The following TYW1 variants were observed in gnomAD, a reference collection of about 807,000 sequenced individuals.
TYW1 encodes the protein S-adenosyl-L-methionine-dependent tRNA 4-demethylwyosine synthase TYW1.
A neutral mutation model predicts 96.2 loss-of-function variants in TYW1; 46 were observed. That is an observed-to-expected ratio of 0.48 (90% CI 0.38 to 0.61). The LOEUF (loss-of-function observed/expected upper bound fraction) is 0.61, where lower values mean the gene tolerates loss of function less well. TYW1 is among the 20% of genes least tolerant of loss of function. The probability of loss-of-function intolerance (pLI) is 0.00; values close to 1 mark genes in which losing one functional copy is unlikely to be tolerated. For missense variants in TYW1, 684 were observed against 909.6 expected (o/e 0.75, Z 3.19); for synonymous variants, 274 against 323.0 (o/e 0.85, Z 1.63).
At chr7:67,008,293 C>T (rs2129238968) in intron 3 of TYW1, among the ~76,000 whole-genome samples, 1 of 152,288 alleles carries the variant, frequency 6.6e-6, no homozygotes, top group South Asian at 2.1e-4. Flanking sequence ...AGGGGTTTTT[C>T]TTGGAGGCTC....
chr7:67,148,074 G>T (rs1247379610), intron 13 of TYW1, among the ~76,000 whole-genome samples: 1 of 151,940 alleles, frequency 6.6e-6, no homozygotes, highest in Non-Finnish European at 1.5e-5. Flanking sequence ...GAGAACAGAT[G>T]GTCATCTTGG....
chr7:67,157,059 G>A (rs1423857525), intron 13 of TYW1, among the ~76,000 whole-genome samples: 1 of 151,994 alleles, frequency 6.6e-6, no homozygotes, highest in Non-Finnish European at 1.5e-5. Flanking sequence ...TCGAGGTGTG[G>A]TTATCTACTT....
intron 11 of TYW1, among the ~76,000 whole-genome samples, chr7:67,096,580 G>A (rs565711269): frequency 6.7e-6 from 1 of 149,610 alleles, no homozygotes; most frequent in Admixed American, 6.7e-5. Flanking sequence ...TTTTTTCTTT[G>A]TTTTTTTTTT....
At chr7:67,165,694 G>A (rs191249216) in intron 13 of TYW1, among the ~76,000 whole-genome samples, 21 of 152,208 alleles carry the variant, frequency 1.4e-4, no homozygotes, top group African/African-American at 5.1e-4. Context: ...CTGGGAGGCC[G>A]AGGCAGGCAG....
intron 13 of TYW1, among the ~76,000 whole-genome samples, chr7:67,142,850 G>A (rs113024470): frequency 6.6e-6 from 1 of 152,076 alleles, no homozygotes; most frequent in African/African-American, 2.4e-5. Flanking sequence ...TCAGGAATTC[G>A]AGAGCAGCCT....
At chr7:67,071,705 C>G (rs558826381) in intron 10 of TYW1, among the ~76,000 whole-genome samples, 22 of 152,214 alleles carry the variant, frequency 1.4e-4, no homozygotes, top group African/African-American at 5.1e-4. Flanking sequence ...ACTGCAAGCT[C>G]CACCTCCCAG....
At chr7:67,026,531 A>G (rs1376793643) in intron 7 of TYW1, among the ~76,000 whole-genome samples, 2 of 152,176 alleles carry the variant, frequency 1.3e-5, no homozygotes, top group Non-Finnish European at 1.5e-5. Flanking sequence ...CTCTTAATAT[A>G]TAAGTTTGAT....
intron 12 of TYW1, among the ~76,000 whole-genome samples, chr7:67,105,654 G>T (rs1287026204): frequency 1.3e-5 from 2 of 152,180 alleles, no homozygotes; most frequent in Non-Finnish European, 2.9e-5. Context: ...CTGAGGCTGA[G>T]TGTCATCTGC....
intron 7 of TYW1, among the ~76,000 whole-genome samples, chr7:67,029,030 G>A (rs1430331001): frequency 2.0e-5 from 3 of 149,942 alleles, no homozygotes; most frequent in Admixed American, 1.3e-4. Context: ...ACGGAGTCTC[G>A]CTCTGTTGCC....
At chr7:67,024,054 T>C (rs547241894) in intron 6 of TYW1, among the ~76,000 whole-genome samples, 2 of 152,082 alleles carry the variant, frequency 1.3e-5, no homozygotes, top group Non-Finnish European at 2.9e-5. Flanking sequence ...TTCTGCTTGG[T>C]ATGTGTCTCG....
chr7:67,204,323 T>G (rs1800697784), intron 15 of TYW1, among the ~76,000 whole-genome samples: 1 of 152,198 alleles, frequency 6.6e-6, no homozygotes. Context: ...TTTTAGACTC[T>G]TGTTCTAACT....
chr7:67,093,022 C>T (rs574343251), intron 11 of TYW1, among the ~76,000 whole-genome samples: 1 of 152,034 alleles, frequency 6.6e-6, no homozygotes. Flanking sequence ...AAAAAATTAG[C>T]CAAGTGTGGT....
chr7:67,035,826 T>C (rs1009889291), intron 7 of TYW1, among the ~76,000 whole-genome samples: 7 of 151,952 alleles, frequency 4.6e-5, no homozygotes, highest in Admixed American at 6.6e-5. Context: ...TACAGGTGCA[T>C]GCCACCATGC....
chr7:67,019,236 C>T (rs190076563), intron 6 of TYW1, among the ~76,000 whole-genome samples: 161 of 152,346 alleles, frequency 1.1e-3, no homozygotes, highest in African/African-American at 3.5e-3. Context: ...TTGCAGATTC[C>T]CCTTCTTACT....
At chr7:67,215,780 A>T (rs1315895357) in intron 15 of TYW1, among the ~76,000 whole-genome samples, 1 of 152,084 alleles carries the variant, frequency 6.6e-6, no homozygotes. Context: ...TTGGAGTCCG[A>T]TGTTCGAGGG....
chr7:67,070,755 C>G (rs4718450), intron 10 of TYW1, among the ~76,000 whole-genome samples: 1 of 152,056 alleles, frequency 6.6e-6, no homozygotes, highest in Non-Finnish European at 1.5e-5. Flanking sequence ...TATGCCTCCT[C>G]AGGGAGAGTT....
At chr7:67,049,254 A>C (rs1795284706) in intron 7 of TYW1, among the ~76,000 whole-genome samples, 1 of 152,092 alleles carries the variant, frequency 6.6e-6, no homozygotes, top group Non-Finnish European at 1.5e-5. Flanking sequence ...TGCTATTATT[A>C]TTTTTCGCCC....
At chr7:66,999,854 TGGTA>T (rs1264318344) in intron 3 of TYW1, among the ~76,000 whole-genome samples, 1 of 152,198 alleles carries the variant, frequency 6.6e-6, no homozygotes, top group East Asian at 1.9e-4. Flanking sequence ...AAATTGCAGA[TGGTA>T]ATAGTATGGT....
chr7:67,080,590 G>A (rs879063992), intron 10 of TYW1, among the ~76,000 whole-genome samples: 1 of 151,952 alleles, frequency 6.6e-6, no homozygotes, highest in African/African-American at 2.4e-5. Flanking sequence ...AGTAGAGATG[G>A]GGTATCACCA....
Sources: allele counts gnomAD v4.1 joint callset (sites outside exome capture counted in the v4.1 genomes callset), GRCh38; gene constraint gnomAD v4.1.1; transcripts MANE v1.5; gene names NCBI Gene and HGNC (gene_info 2026-07-23, HGNC 2026-07-21).